Variants in ABCA4 observed in about 807,000 individuals in gnomAD.
The protein encoded by ABCA4 is ATP binding cassette subfamily A member 4.
A neutral mutation model predicts 263.7 loss-of-function variants in ABCA4; 196 were observed. The observed-to-expected ratio is 0.74, with a 90% CI of 0.66 to 0.84. The LOEUF (loss-of-function observed/expected upper bound fraction) is 0.84. Ranked by LOEUF, ABCA4 falls within the 40% of genes least tolerant of loss-of-function variation. The pLI is 0.00. For missense variants in ABCA4, 2,792 were observed against 2,855.1 expected (o/e 0.98, Z 0.50); for synonymous variants, 1,133 against 1,094.2 (o/e 1.04, Z -0.70).
chr1:94,055,893 C>A (rs1028654523), intron 15 of ABCA4, among the ~76,000 whole-genome samples: 1 of 152,198 alleles, frequency 6.6e-6, no homozygotes, highest in Non-Finnish European at 1.5e-5. Context: ...CTTGACTCTA[C>A]AGCACAGAGA....
At chr1:94,038,421 T>C (rs1239949612) in intron 24 of ABCA4, among the ~76,000 whole-genome samples, 1 of 152,192 alleles carries the variant, frequency 6.6e-6, no homozygotes, top group Non-Finnish European at 1.5e-5. Context: ...AGAAAGCAGC[T>C]CTCAGAGTTG....
intron 6 of ABCA4, among the ~76,000 whole-genome samples, chr1:94,097,312 C>T (rs984829122): frequency 4.6e-5 from 7 of 152,052 alleles, no homozygotes; most frequent in African/African-American, 1.7e-4. Context: ...GGGGATTAAG[C>T]GTGGACCGTG....
chr1:94,001,081 G>A lies in ABCA4; in HGVS notation c.6307C>T (p.Pro2103Ser). The A allele has an allele frequency of 6.2e-7, 1 of 1,614,070 alleles. No homozygotes were observed. Among genetic ancestry groups the A allele is most frequent in the Non-Finnish European group, 8.5e-7 (1 of 1,180,030 alleles). ...TTCCACAGCATGCGGCGTGCCTGGG[G>A]GTCCATCCCTGTGGTGGGCTCATCC... ...LLDEPTTGMDPQARRMLWNVI... is the reference protein window; with the variant it reads ...LLDEPTTGMDSQARRMLWNVI... The change falls in exon 46 of 50, where the codon CCC becomes TCC. Residue 2103 changes from proline (P) to serine (S), a missense_variant. Physicochemically the swap from Pro to Ser is moderately conservative, Grantham distance 74. Transcript: ENST00000370225.
chr1:94,011,200 C>T, intron 39 of ABCA4, 62 bp downstream of exon 39: 1 of 1,612,792 alleles, frequency 6.2e-7, no homozygotes, highest in East Asian at 2.2e-5. Flanking sequence ...AGGAGCCCCC[C>T]CGGTAACCCT....
At chr1:94,101,867 T>G (rs1662296137) in intron 5 of ABCA4, among the ~76,000 whole-genome samples, 1 of 152,200 alleles carries the variant, frequency 6.6e-6, no homozygotes, top group South Asian at 2.1e-4. Flanking sequence ...GAAGCACAGA[T>G]TGCTAGGCCT....
At position 94,007,743 on chromosome 1, in the gene ABCA4, A is replaced by G. The variant is rs1232270645; in HGVS notation, c.5899-3T>C. The G allele has an allele frequency of 1.2e-6, 2 of 1,612,754 alleles. No individual in the cohort carries two copies. The highest frequency in any genetic ancestry group is 1.3e-5 in the African/African-American group (1 of 74,864). On this transcript the variant is annotated splice_region_variant and splice_polypyrimidine_tract_variant and intron_variant, in intron 42 of 49. Coordinates refer to ENST00000370225, the MANE Select transcript of ABCA4 (RefSeq NM_000350.3). ...TTCACTCCCAGGAGGCCAAAGCACT[A>G]GGAGAAAACACAGAGCTAGCCTGGC...
chr1:93,996,734 C>T (rs573935654), intron 48 of ABCA4, among the ~76,000 whole-genome samples: 1 of 152,274 alleles, frequency 6.6e-6, no homozygotes, highest in African/African-American at 2.4e-5. Context: ...ACCCAAATGT[C>T]TATCAATGAA....
chr1:93,996,283 C>A, intron 48 of ABCA4, 88 bp from the exon 49 acceptor site: 1 of 1,014,432 alleles, frequency 9.9e-7, no homozygotes, highest in Non-Finnish European at 1.5e-6. Context: ...CTCTATTTTC[C>A]ACAGTTCACA....
intron 47 of ABCA4, among the ~76,000 whole-genome samples, chr1:94,000,122 A>G (rs1367855692): frequency 6.6e-6 from 1 of 152,188 alleles, no homozygotes; most frequent in Middle Eastern, 3.2e-3. Flanking sequence ...TGTTCCTCCC[A>G]CCAACCAGCT....
At chr1:94,101,451 T>A (rs1445823915) in intron 5 of ABCA4, among the ~76,000 whole-genome samples, 2 of 152,180 alleles carry the variant, frequency 1.3e-5, no homozygotes, top group African/African-American at 4.8e-5. Context: ...GTTCCCCTTG[T>A]CTAGTTTCGG....
At chr1:94,095,172 T>G (rs1662089041) in intron 6 of ABCA4, among the ~76,000 whole-genome samples, 6 of 152,078 alleles carry the variant, frequency 3.9e-5, no homozygotes, top group Admixed American at 3.9e-4. Flanking sequence ...GTGGGAGGGA[T>G]GTAGTAAGGC....
chr1:94,008,338 G>T (rs777783430), intron 41 of ABCA4, 41 bp from the exon 42 acceptor site: 1 of 1,596,442 alleles, frequency 6.3e-7, no homozygotes, highest in Non-Finnish European at 8.6e-7. Flanking sequence ...CTGAGACAGG[G>T]TGAGAGCAAG....
chr1:94,100,923 A>G (rs1046870890), intron 5 of ABCA4, among the ~76,000 whole-genome samples: 3 of 152,234 alleles, frequency 2.0e-5, no homozygotes, highest in African/African-American at 7.2e-5. Context: ...GATACAGATC[A>G]GGAGCTAGAA....
chr1:94,023,455 A>G (rs747290946), intron 31 of ABCA4, 37 bp from the exon 32 acceptor site: 59 of 1,544,832 alleles, frequency 3.8e-5, no homozygotes, highest in Non-Finnish European at 4.2e-5. Context: ...TGAATACCAC[A>G]AGTACAGCAG....
At chr1:94,113,162 T>A in intron 1 of ABCA4, 96 bp from the exon 2 acceptor site, 1 of 1,155,806 alleles carries the variant, frequency 8.7e-7, no homozygotes, top group Non-Finnish European at 1.3e-6. Flanking sequence ...AGATCCCATG[T>A]GTGCAGTAGG....
intron 6 of ABCA4, among the ~76,000 whole-genome samples, chr1:94,087,263 G>A (rs909102669): frequency 1.3e-5 from 2 of 152,146 alleles, no homozygotes; most frequent in Non-Finnish European, 2.9e-5. Flanking sequence ...CCTAATAAAT[G>A]TATAACATGA....
In ABCA4 at chr1:94,060,545, A is replaced by G; in HGVS notation, c.2152T>C (p.Phe718Leu). The G allele has an allele frequency of 6.2e-7, 1 of 1,613,862 alleles. No homozygotes were observed. Among genetic ancestry groups the G allele is most frequent in the Non-Finnish European group, 8.5e-7 (1 of 1,179,990 alleles). Residue 718 changes from phenylalanine (F) to leucine (L), a missense_variant, in exon 14 of 50, where the codon TTC becomes CTC. By Grantham distance (22) the Phe-to-Leu change is conservative. Coordinates refer to ENST00000370225, the MANE Select transcript of ABCA4 (RefSeq NM_000350.3). Reference sequence around the variant, plus strand: ...TTCTCCATTTGGCTTACCATGATGAATATCGTCAGGAGGAAGATGCTCATC... The same window carrying G: ...TTCTCCATTTGGCTTACCATGATGAGTATCGTCAGGAGGAAGATGCTCATC... ...MSMSIFLLTI[F>L]IMHGRILHYS...
At chr1:94,064,407 C>T (rs796689578) in intron 11 of ABCA4, among the ~76,000 whole-genome samples, 4 of 152,226 alleles carry the variant, frequency 2.6e-5, no homozygotes, top group African/African-American at 7.2e-5. Context: ...GGGAAGGCTG[C>T]CTGGAGGAAG....
At chr1:94,004,618 G>T (rs1659319462) in intron 44 of ABCA4, among the ~76,000 whole-genome samples, 1 of 152,146 alleles carries the variant, frequency 6.6e-6, no homozygotes, top group South Asian at 2.1e-4. Context: ...ACTTTATTTA[G>T]TTTGCTGTCA....
Sources: gnomAD v4.1 joint callset for allele counts (sites outside exome capture counted in the v4.1 genomes callset) on GRCh38, gnomAD v4.1.1 for gene constraint, MANE v1.5 for transcripts, NCBI Gene and HGNC (gene_info 2026-07-23, HGNC 2026-07-21) for gene names.